Variants in DNAH9 observed in about 807,000 individuals in gnomAD.
DNAH9 encodes the protein dynein axonemal heavy chain 9.
In DNAH9, 345 loss-of-function variants were observed where a neutral mutation model predicts 471.6. The ratio of observed to expected loss-of-function variants is 0.73; its 90% CI spans 0.67 to 0.80. DNAH9 has a LOEUF of 0.80. DNAH9 is among the 30% of genes least tolerant of loss of function. DNAH9 has a pLI of 0.00. For missense variants in DNAH9, 5,407 were observed against 5,609.2 expected, an observed-to-expected ratio of 0.96 and a Z score of 1.15; for synonymous variants, 2,093 against 2,123.6, an observed-to-expected ratio of 0.99 and a Z score of 0.40.
chr17:11,830,225 C>G (rs1283077000), intron 48 of DNAH9, among the ~76,000 whole-genome samples: 1 of 152,208 alleles, frequency 6.6e-6, no homozygotes, highest in Non-Finnish European at 1.5e-5. Flanking sequence ...TGCCTGGTCC[C>G]CCTTTCCTGA....
At chr17:11,637,905 G>T (rs1334788365) in intron 9 of DNAH9, among the ~76,000 whole-genome samples, 1 of 152,168 alleles carries the variant, frequency 6.6e-6, no homozygotes, top group Non-Finnish European at 1.5e-5. Context: ...GGAAAAGGTA[G>T]TCTTGAGCTG....
intron 14 of DNAH9, among the ~76,000 whole-genome samples, chr17:11,659,086 A>G (rs1202290104): frequency 6.6e-6 from 1 of 152,166 alleles, no homozygotes; most frequent in Non-Finnish European, 1.5e-5. Flanking sequence ...AATATGTGAT[A>G]GAATTCACCA....
At chr17:11,718,042 TTGTGTGTG>T (rs57394041) in intron 26 of DNAH9, among the ~76,000 whole-genome samples, 3 of 149,390 alleles carry the variant, frequency 2.0e-5, no homozygotes, top group Non-Finnish European at 4.5e-5. Context: ...CCCATCTCAT[TTGTGTGTG>T]TGTGTGTGTA....
intron 55 of DNAH9, chr17:11,883,186 G>A (rs1004426824): frequency 1.0e-6 from 1 of 993,522 alleles, no homozygotes; most frequent in African/African-American, 1.7e-5. Context: ...AGCCATAGGA[G>A]AGTTGTTCAT....
chr17:11,758,035 G>A (rs544352054), intron 35 of DNAH9, among the ~76,000 whole-genome samples: 1 of 152,284 alleles, frequency 6.6e-6, no homozygotes, highest in Non-Finnish European at 1.5e-5. Context: ...CTCTGCATTT[G>A]TAATAAGTAA....
At chr17:11,732,410 A>G (rs1365335516) in intron 28 of DNAH9, among the ~76,000 whole-genome samples, 3 of 152,034 alleles carry the variant, frequency 2.0e-5, no homozygotes, top group Non-Finnish European at 2.9e-5. Flanking sequence ...TTCACACGGC[A>G]ATCCAGGCTG....
At position 11,651,039 on chromosome 17, in the gene DNAH9, A is replaced by G. The variant is rs746364470; in HGVS notation, c.2098-30A>G. 6 of 1,605,740 alleles carry G rather than the reference A, an allele frequency of 3.7e-6. No individual in the cohort carries two copies. The Admixed American group carries it at 1.0e-4, about 27-fold the overall frequency. On this transcript the variant is annotated intron_variant, in intron 12 of 68. Coordinates refer to ENST00000262442, the MANE Select transcript of DNAH9 (RefSeq NM_001372.4). ...GCAGATTATTCATTATCACTGAACG[A>G]CAGACACTTGTGTTGCTTCTTTTCT...
At position 11,610,521 on chromosome 17, in the gene DNAH9, C is replaced by A. The variant is rs372929501; in HGVS notation, c.740C>A (p.Thr247Asn). 1.7e-5 allele frequency: 28 copies of A among 1,613,020 alleles called. No individual in the cohort carries two copies. In the South Asian group the frequency reaches 3.0e-4, roughly 17 times the overall value. Reference protein sequence around the residue: ...SQPLLQGENPTPKVELEFWKS... With the variant: ...SQPLLQGENPNPKVELEFWKS... Reference sequence around the variant, plus strand: ...CCACTCTTACAAGGGGAGAATCCCACCCCTAAGGTGGAGTTGGAGTTCTGG... The same window carrying A: ...CCACTCTTACAAGGGGAGAATCCCAACCCTAAGGTGGAGTTGGAGTTCTGG... The change falls in exon 3 of 69, where the codon ACC becomes AAC. Residue 247 changes from threonine to asparagine, a missense_variant. Physicochemically the swap from Thr to Asn is moderately conservative, Grantham distance 65. Coordinates refer to ENST00000262442, the MANE Select transcript of DNAH9 (RefSeq NM_001372.4).
intron 55 of DNAH9, among the ~76,000 whole-genome samples, chr17:11,882,680 A>G (rs1262485688): frequency 6.6e-6 from 1 of 152,248 alleles, no homozygotes; most frequent in Non-Finnish European, 1.5e-5. Context: ...CAACGTAAAC[A>G]AATGAACAAT....
At chr17:11,911,476 G>A (rs1021350351) in intron 61 of DNAH9, among the ~76,000 whole-genome samples, 1 of 151,980 alleles carries the variant, frequency 6.6e-6, no homozygotes, top group Non-Finnish European at 1.5e-5. Flanking sequence ...CTTCAGCTTT[G>A]TTCTTTTCAT....
rs544161892 is a variant in DNAH9 at position 11,862,688 on chromosome 17, A to T, written c.9934-6446A>T. On this transcript the variant is annotated intron_variant, in intron 50 of 68. Coordinates refer to ENST00000262442, the MANE Select transcript of DNAH9 (RefSeq NM_001372.4). ...TCTTCCATTTGTTTGTATCCTCTTT[A>T]ATTTCATTGAGCAGTGGTTTGTAGT... Among the ~76,000 whole-genome samples the T allele has an allele frequency of 2.6e-4, 39 of 151,540 alleles. No homozygotes were observed. The South Asian group carries it at 6.5e-3, about 25-fold the overall frequency.
At chr17:11,905,423 C>G (rs1411079307) in intron 60 of DNAH9, among the ~76,000 whole-genome samples, 1 of 152,088 alleles carries the variant, frequency 6.6e-6, no homozygotes, top group Non-Finnish European at 1.5e-5. Flanking sequence ...TCAGCGATGG[C>G]CTGCCTGGAT....
At chr17:11,663,205 T>C (rs2073807207) in intron 14 of DNAH9, among the ~76,000 whole-genome samples, 1 of 152,194 alleles carries the variant, frequency 6.6e-6, no homozygotes, top group South Asian at 2.1e-4. Context: ...TCCAACACTA[T>C]ATGGCCTACA....
intron 67 of DNAH9, among the ~76,000 whole-genome samples, chr17:11,959,734 C>G (rs941037691): frequency 2.0e-4 from 30 of 152,148 alleles, no homozygotes; most frequent in Non-Finnish European, 1.8e-4. Flanking sequence ...TCCCATGGAG[C>G]CTTGATGTGG....
chr17:11,789,385 A>G lies in DNAH9; in HGVS notation c.8062-4118A>G, dbSNP rs115331288. ...CAAATTCTTTAATATGTATAAGACT[A>G]TTCAGATTGTCTATTTCTTCATGTG... On this transcript the variant is annotated intron_variant, in intron 41 of 68. Coordinates refer to ENST00000262442, the MANE Select transcript of DNAH9 (RefSeq NM_001372.4). 3.1e-3 allele frequency among the ~76,000 whole-genome samples: 468 copies of G among 152,184 alleles called. 4 individuals carry two copies. Among genetic ancestry groups the G allele is most frequent in the African/African-American group, 0.01 (433 of 41,568 alleles).
At chr17:11,795,842 T>G (rs2150910789) in intron 42 of DNAH9, among the ~76,000 whole-genome samples, 1 of 152,326 alleles carries the variant, frequency 6.6e-6, no homozygotes, top group Middle Eastern at 3.4e-3. Context: ...GATATATGAA[T>G]ATTGCCATTA....
At chr17:11,655,855 A>T (rs2073633018) in intron 14 of DNAH9, among the ~76,000 whole-genome samples, 1 of 151,698 alleles carries the variant, frequency 6.6e-6, no homozygotes, top group African/African-American at 2.4e-5. Context: ...GACTTTGGGG[A>T]CTCAGAGGAA....
In DNAH9 at chr17:11,962,726, C is replaced by T. The variant is rs572474142; in HGVS notation, c.13233+470C>T. ...TCGCCCAGGCTGGAGTACAGTGGCACGATCTTAGCTCACTGCAACCTCCGC... is the reference window on the plus strand; with the variant it reads ...TCGCCCAGGCTGGAGTACAGTGGCATGATCTTAGCTCACTGCAACCTCCGC... On this transcript the variant is annotated intron_variant, in intron 68 of 68. Transcript: ENST00000262442. The surrounding 1 kb of genome is among the most constrained non-coding windows in gnomAD (Gnocchi z 4.1). Among the ~76,000 whole-genome samples the T allele has an allele frequency of 2.8e-4, 43 of 152,220 alleles. No individual in the cohort carries two copies. The highest frequency in any genetic ancestry group is 6.5e-4 in the Admixed American group (10 of 15,296).
intron 61 of DNAH9, among the ~76,000 whole-genome samples, 155 bp downstream of exon 61, chr17:11,905,964 G>T (rs1267692693): frequency 6.6e-6 from 1 of 152,160 alleles, no homozygotes; most frequent in Non-Finnish European, 1.5e-5. Context: ...AAAATCAGAA[G>T]ATCACCCACC....
Sources: gnomAD v4.1 joint callset for allele counts (sites outside exome capture counted in the v4.1 genomes callset) on GRCh38, gnomAD v4.1.1 for gene constraint, Gnocchi (gnomAD v3.1) non-coding constraint, MANE v1.5 for transcripts, NCBI Gene and HGNC (gene_info 2026-07-23, HGNC 2026-07-21) for gene names.